INPP4B: variants seen among roughly 807,000 people sequenced by gnomAD.
INPP4B encodes inositol polyphosphate-4-phosphatase type II B, also known as inositol polyphosphate 4-phosphatase type II.
Under a neutral mutation model 122.5 loss-of-function variants are expected in INPP4B, and 55 were observed. The observed-to-expected ratio is 0.45, with a 90% confidence interval of 0.36 to 0.56. INPP4B has a LOEUF of 0.56. Ranked by LOEUF, INPP4B falls within the 20% of genes least tolerant of loss-of-function variation. The pLI, the probability that INPP4B is intolerant of heterozygous loss-of-function variation, is 0.00. For missense variants in INPP4B, 1,000 were observed against 1,097.7 expected (o/e 0.91, Z 1.26); for synonymous variants, 403 against 388.7 (o/e 1.04, Z -0.43).
Position 142,744,164 on chromosome 4 carries a change from A to G in INPP4B, c.-253-18263T>C, listed in dbSNP as rs368404977. 3.3e-5 allele frequency among the ~76,000 whole-genome samples: 5 copies of G among 152,106 alleles called. No individual in the cohort carries two copies. In the East Asian group the frequency reaches 7.7e-4, roughly 24 times the overall value. On this transcript the variant is annotated intron_variant, in intron 1 of 25. Coordinates refer to ENST00000262992, the MANE Select transcript of INPP4B (RefSeq NM_001101669.3). ...CAAATAGAAACTCTATAATGGAAAGAACAATAAATGAAATGTAAAATTCAC... is the reference window on the plus strand; with the variant it reads ...CAAATAGAAACTCTATAATGGAAAGGACAATAAATGAAATGTAAAATTCAC...
At chr4:142,315,545 ACTC>A (rs1010579941) in intron 7 of INPP4B, among the ~76,000 whole-genome samples, 4 of 150,982 alleles carry the variant, frequency 2.6e-5, no homozygotes, top group Non-Finnish European at 5.9e-5. Flanking sequence ...ACCCTTTCAA[ACTC>A]TTGGTGCGCC....
intron 3 of INPP4B, among the ~76,000 whole-genome samples, chr4:142,445,625 T>C (rs1180830752): frequency 6.6e-6 from 1 of 151,988 alleles, no homozygotes; most frequent in African/African-American, 2.4e-5. Flanking sequence ...ATTCCTCTAA[T>C]TGTCAGAGTA....
intron 7 of INPP4B, among the ~76,000 whole-genome samples, chr4:142,389,537 T>C (rs2148968400): frequency 6.6e-6 from 1 of 152,304 alleles, no homozygotes; most frequent in South Asian, 2.1e-4. Context: ...GCAGATCAGA[T>C]ATTAGGTTTG....
Position 142,249,621 on chromosome 4 carries a change from C to A in INPP4B, c.688+10871G>T, listed in dbSNP as rs75615546. On this transcript the variant is annotated intron_variant, in intron 11 of 25. Coordinates refer to ENST00000262992, the MANE Select transcript of INPP4B (RefSeq NM_001101669.3). Reference sequence around the variant, plus strand: ...AACATTTGAGAGCCAAAAAGGAAGTCAAAAACTGTTTAGGTTAATTTGGTC... The same window carrying A: ...AACATTTGAGAGCCAAAAAGGAAGTAAAAAACTGTTTAGGTTAATTTGGTC... Among the ~76,000 whole-genome samples the A allele has an allele frequency of 4.9e-3, 746 of 152,202 alleles. 10 individuals are homozygous for A. Among genetic ancestry groups the A allele is most frequent in the African/African-American group, 0.017 (711 of 41,534 alleles).
At chr4:142,572,975 T>C (rs1220433718) in intron 2 of INPP4B, among the ~76,000 whole-genome samples, 1 of 151,970 alleles carries the variant, frequency 6.6e-6, no homozygotes, top group Non-Finnish European at 1.5e-5. Flanking sequence ...TAGTTCTTTA[T>C]AGAACTACCT....
At chr4:142,412,459 G>C (rs2149252760) in intron 5 of INPP4B, among the ~76,000 whole-genome samples, 1 of 152,062 alleles carries the variant, frequency 6.6e-6, no homozygotes, top group South Asian at 2.1e-4. Flanking sequence ...TGCTTCCTAG[G>C]CTCAGTGCAC....
At chr4:142,207,852 A>G (rs1244595352) in intron 14 of INPP4B, among the ~76,000 whole-genome samples, 1 of 152,160 alleles carries the variant, frequency 6.6e-6, no homozygotes, top group African/African-American at 2.4e-5. Flanking sequence ...TAAATATGAC[A>G]CCATATTGGT....
At chr4:142,519,042 AGTTT>A (rs1446496409) in intron 2 of INPP4B, 1 of 152,174 alleles carries the variant, frequency 6.6e-6, no homozygotes, top group African/African-American at 2.4e-5. Flanking sequence ...CTTCATTCTA[AGTTT>A]TTACTCTATA....
intron 1 of INPP4B, among the ~76,000 whole-genome samples, chr4:142,807,218 G>GAT (rs71588205): frequency 0.024 from 3,653 of 152,088 alleles, 50 homozygotes; most frequent in South Asian, 0.051. Flanking sequence ...TGAAACATGG[G>GAT]ATATATATAT....
chr4:142,792,116 G>A (rs1776631082), intron 1 of INPP4B, among the ~76,000 whole-genome samples: 1 of 151,998 alleles, frequency 6.6e-6, no homozygotes, highest in Non-Finnish European at 1.5e-5. Flanking sequence ...TAGATGTGGT[G>A]GTCCTGTGCC....
intron 14 of INPP4B, among the ~76,000 whole-genome samples, chr4:142,200,074 G>C (rs1350117758): frequency 1.3e-5 from 2 of 151,818 alleles, no homozygotes; most frequent in East Asian, 3.9e-4. Context: ...GAATTCTTCT[G>C]AAAGGCATGG....
At chr4:142,472,550 C>T (rs1388991691) in intron 2 of INPP4B, among the ~76,000 whole-genome samples, 5 of 152,100 alleles carry the variant, frequency 3.3e-5, no homozygotes, top group Non-Finnish European at 7.4e-5. Context: ...AATGTATCTC[C>T]AATATATGAA....
At chr4:142,390,104 TA>T (rs1417178810) in intron 7 of INPP4B, among the ~76,000 whole-genome samples, 5 of 152,158 alleles carry the variant, frequency 3.3e-5, no homozygotes, top group Admixed American at 3.3e-4. Flanking sequence ...TAAAGAATTA[TA>T]AAATGTTTAT....
chr4:142,596,267 C>T (rs1166406569), intron 2 of INPP4B, among the ~76,000 whole-genome samples: 2 of 152,140 alleles, frequency 1.3e-5, no homozygotes, highest in Non-Finnish European at 2.9e-5. Context: ...CTGGACTGGT[C>T]TTGTGACTTG....
intron 11 of INPP4B, among the ~76,000 whole-genome samples, chr4:142,258,148 A>G (rs1313502062): frequency 1.3e-5 from 2 of 152,138 alleles, no homozygotes; most frequent in Admixed American, 6.5e-5. Flanking sequence ...CTGGCTAGCC[A>G]TATGTAGAAA....
At chr4:142,740,889 C>T (rs1249286232) in intron 1 of INPP4B, among the ~76,000 whole-genome samples, 1 of 151,972 alleles carries the variant, frequency 6.6e-6, no homozygotes, top group African/African-American at 2.4e-5. Context: ...CAAATTAAAT[C>T]CTCTTCAAAG....
intron 2 of INPP4B, among the ~76,000 whole-genome samples, chr4:142,616,110 T>C (rs1158651489): frequency 6.6e-6 from 1 of 151,912 alleles, no homozygotes; most frequent in Admixed American, 6.6e-5. Context: ...CAGAACTACA[T>C]AAAAACAAAG....
intron 1 of INPP4B, among the ~76,000 whole-genome samples, chr4:142,839,624 CT>C (rs1450215173): frequency 6.6e-6 from 1 of 152,000 alleles, no homozygotes; most frequent in East Asian, 1.9e-4. Flanking sequence ...TAAATAACTG[CT>C]TTGTAAGTGT....
intron 12 of INPP4B, among the ~76,000 whole-genome samples, chr4:142,212,254 TA>T (rs1845241048): frequency 1.3e-5 from 2 of 152,092 alleles, no homozygotes; most frequent in Admixed American, 1.3e-4. Flanking sequence ...CCCAGAGATT[TA>T]AAAGAGCAGT....
Sources: gnomAD v4.1 joint callset for allele counts (sites outside exome capture counted in the v4.1 genomes callset) on GRCh38, gnomAD v4.1.1 for gene constraint, MANE v1.5 for transcripts, NCBI Gene and HGNC (gene_info 2026-07-23, HGNC 2026-07-21) for gene names.